The following C7orf78 variants were observed in gnomAD, a reference collection of about 807,000 sequenced individuals.
The protein encoded by C7orf78 is putative uncharacterized protein C7orf78.
chr7:12,485,736 C>T, the C7orf78 span, among the ~76,000 whole-genome samples: 3 of 55,704 alleles, frequency 5.4e-5, no homozygotes, highest in African/African-American at 7.0e-5. Flanking sequence ...ATGCTATCAG[C>T]TGGGTTGGAA....
chr7:12,541,301 C>T, the C7orf78 span: 17 of 152,292 alleles, frequency 1.1e-4, no homozygotes, highest in South Asian at 2.5e-3. Context: ...CACCATGTTT[C>T]TCTAAGGCCA....
chr7:12,500,965 G>T, the C7orf78 span, among the ~76,000 whole-genome samples: 3 of 151,110 alleles, frequency 2.0e-5, no homozygotes, highest in Non-Finnish European at 4.4e-5. Flanking sequence ...TATAAACAGA[G>T]CCAAAGACAA....
the C7orf78 span, chr7:12,483,715 A>C: frequency 3.3e-5 from 5 of 149,444 alleles, no homozygotes; most frequent in Non-Finnish European, 7.4e-5. Flanking sequence ...TAAAACTACA[A>C]AAAAAAAAAA....
the C7orf78 span, chr7:12,541,698 G>T: frequency 1.1e-4 from 16 of 151,890 alleles, no homozygotes. Context: ...AAGAGTATAT[G>T]TATGAGCTTT....
the C7orf78 span, among the ~76,000 whole-genome samples, chr7:12,487,682 T>C: frequency 2.6e-5 from 4 of 152,072 alleles, no homozygotes. Flanking sequence ...AAGCCAATTC[T>C]CTCTGCAAAA....
At chr7:12,523,010 G>A in the C7orf78 span, 112 of 398,234 alleles carry the variant, frequency 2.8e-4, 1 homozygote, top group East Asian at 3.9e-3. Context: ...AATATACCAT[G>A]AGTCTCAGAG....
At chr7:12,499,234 C>A in the C7orf78 span, among the ~76,000 whole-genome samples, 14 of 151,260 alleles carry the variant, frequency 9.3e-5, no homozygotes, top group South Asian at 2.1e-4. Flanking sequence ...ACACATAACA[C>A]TATTAACTTT....
chr7:12,499,727 G>A, the C7orf78 span, among the ~76,000 whole-genome samples: 1 of 151,524 alleles, frequency 6.6e-6, no homozygotes, highest in Non-Finnish European at 1.5e-5. Flanking sequence ...GCACCAAGTG[G>A]ACCTAATAGA....
the C7orf78 span, among the ~76,000 whole-genome samples, chr7:12,505,392 T>TAATATAATAAAA: frequency 2.6e-5 from 4 of 152,036 alleles, no homozygotes; most frequent in Admixed American, 1.3e-4. Flanking sequence ...TAATTAGGAG[T>TAATATAATAAAA]TGACATAAAT....
At chr7:12,525,705 T>C in the C7orf78 span, 1 of 385,456 alleles carries the variant, frequency 2.6e-6, no homozygotes, top group South Asian at 1.4e-4. Flanking sequence ...CACAACAAAA[T>C]CATCAAAATT....
the C7orf78 span, among the ~76,000 whole-genome samples, chr7:12,537,227 C>G: frequency 2.0e-5 from 3 of 152,220 alleles, no homozygotes; most frequent in Admixed American, 2.0e-4. Flanking sequence ...GCCTCACAGT[C>G]ATGGCGGAAG....
chr7:12,539,483 C>G, the C7orf78 span, among the ~76,000 whole-genome samples: 2 of 151,986 alleles, frequency 1.3e-5, no homozygotes, highest in African/African-American at 4.8e-5. Context: ...AAAAACAAAG[C>G]CTTCAGATGT....
the C7orf78 span, among the ~76,000 whole-genome samples, chr7:12,511,722 T>G: frequency 6.6e-6 from 1 of 152,032 alleles, no homozygotes; most frequent in Non-Finnish European, 1.5e-5. Context: ...TTGTGTCTTG[T>G]AACTGAATTT....
At chr7:12,536,401 C>T in the C7orf78 span, among the ~76,000 whole-genome samples, 2 of 152,156 alleles carry the variant, frequency 1.3e-5, no homozygotes, top group African/African-American at 4.8e-5. Context: ...ACATAAGGCA[C>T]CAAGTCCCTA....
chr7:12,497,398 C>T, the C7orf78 span, among the ~76,000 whole-genome samples: 1 of 152,240 alleles, frequency 6.6e-6, no homozygotes, highest in African/African-American at 2.4e-5. Flanking sequence ...CAGGGCGAGG[C>T]ATTGCCTCAC....
chr7:12,518,215 G>C, the C7orf78 span, among the ~76,000 whole-genome samples: 14 of 152,270 alleles, frequency 9.2e-5, no homozygotes, highest in East Asian at 2.7e-3. Context: ...CTGGGAAAAG[G>C]GATTGCAGGT....
At chr7:12,502,213 A>G in the C7orf78 span, among the ~76,000 whole-genome samples, 1 of 108,370 alleles carries the variant, frequency 9.2e-6, no homozygotes, top group Non-Finnish European at 1.9e-5. Flanking sequence ...AATGGCAACC[A>G]AAGCCAAAAT....
chr7:12,509,705 G>C, the C7orf78 span, among the ~76,000 whole-genome samples: 1 of 152,152 alleles, frequency 6.6e-6, no homozygotes, highest in African/African-American at 2.4e-5. Context: ...CCACGTATGA[G>C]TGAGAACATG....
chr7:12,527,011 A>G, the C7orf78 span, among the ~76,000 whole-genome samples: 1 of 134,708 alleles, frequency 7.4e-6, no homozygotes, highest in Non-Finnish European at 1.6e-5. Flanking sequence ...CTGAAATGGA[A>G]CATGTCAGCT....
Sources: allele counts gnomAD v4.1 joint callset (sites outside exome capture counted in the v4.1 genomes callset), GRCh38; gene constraint gnomAD v4.1.1; transcripts MANE v1.5; gene names NCBI Gene and HGNC (gene_info 2026-07-23, HGNC 2026-07-21).